Variants in UNC13C observed in about 807,000 individuals in gnomAD.
The protein encoded by UNC13C is unc-13 homolog C.
A neutral mutation model predicts 245.4 loss-of-function variants in UNC13C; 174 were observed. That is an observed-to-expected ratio of 0.71 (90% confidence interval 0.63 to 0.80). The LOEUF (loss-of-function observed/expected upper bound fraction) is 0.80. Among genes scored for constraint, UNC13C ranks in the 30% least tolerant of loss-of-function variants. The probability of loss-of-function intolerance (pLI) is 0.00; values close to 1 mark genes in which losing one functional copy is unlikely to be tolerated. For missense variants in UNC13C, 2,829 were observed against 2,602.9 expected, an observed-to-expected ratio of 1.09 and a Z score of -1.89; for synonymous variants, 992 against 895.1, an observed-to-expected ratio of 1.11 and a Z score of -1.93.
At chr15:53,964,059 T>A in the UNC13C span, among the ~76,000 whole-genome samples, 1 of 152,194 alleles carries the variant, frequency 6.6e-6, no homozygotes, top group Non-Finnish European at 1.5e-5. Flanking sequence ...TTTACCCATT[T>A]TTTTTTTCCA....
chr15:54,010,035 G>T (rs1177622935), intron 1 of UNC13C, among the ~76,000 whole-genome samples: 1 of 152,158 alleles, frequency 6.6e-6, no homozygotes, highest in Non-Finnish European at 1.5e-5. Context: ...CTCCACCTTT[G>T]CACATGACAT....
chr15:54,098,331 C>T (rs1472274586), intron 2 of UNC13C, among the ~76,000 whole-genome samples: 4 of 152,204 alleles, frequency 2.6e-5, no homozygotes, highest in South Asian at 2.1e-4. Context: ...AGTGCCACCA[C>T]GCCTGGCTAA....
chr15:53,983,673 C>T (rs1430813586), intron 1 of UNC13C, among the ~76,000 whole-genome samples: 1 of 151,520 alleles, frequency 6.6e-6, no homozygotes, highest in Admixed American at 6.6e-5. Context: ...CTTTCATTCT[C>T]CATTTGGCCT....
chr15:54,216,449 T>C (rs1237521358), intron 4 of UNC13C, among the ~76,000 whole-genome samples: 13 of 151,934 alleles, frequency 8.6e-5, no homozygotes, highest in Admixed American at 4.6e-4. Flanking sequence ...GGAATGGATA[T>C]ATTGTCTTGA....
the UNC13C span, among the ~76,000 whole-genome samples, chr15:53,933,826 A>G: frequency 1.3e-5 from 2 of 152,068 alleles, no homozygotes; most frequent in African/African-American, 2.4e-5. Context: ...CTACAATTTT[A>G]CTCAATAATG....
chr15:54,349,189 T>C (rs2038925891), intron 17 of UNC13C, among the ~76,000 whole-genome samples: 1 of 150,388 alleles, frequency 6.6e-6, no homozygotes. Context: ...AAAATTTCTT[T>C]TTAAATGCCA....
At chr15:54,528,296 C>A (rs1392203622) in intron 25 of UNC13C, among the ~76,000 whole-genome samples, 3 of 147,636 alleles carry the variant, frequency 2.0e-5, no homozygotes, top group African/African-American at 7.5e-5. Context: ...ACATGTTTTG[C>A]AGTTTGGTTT....
At chr15:54,238,963 G>A (rs1488350168) in intron 7 of UNC13C, among the ~76,000 whole-genome samples, 2 of 152,044 alleles carry the variant, frequency 1.3e-5, no homozygotes, top group African/African-American at 2.4e-5. Context: ...GGGTGAAAGC[G>A]ATTTTTAAAA....
In UNC13C at chr15:54,175,058, G is replaced by A. The variant is rs1162542222; in HGVS notation, c.3071+31374G>A. Reference sequence around the variant, plus strand: ...GGTAGTGAGAAGCAGAATAACCTGCGCCTTTATCTTTCTCAACTCCTTAAT... The same window carrying A: ...GGTAGTGAGAAGCAGAATAACCTGCACCTTTATCTTTCTCAACTCCTTAAT... On this transcript the variant is annotated intron_variant, in intron 4 of 32. Coordinates refer to ENST00000260323, the MANE Select transcript of UNC13C (RefSeq NM_001080534.3). 2.0e-5 allele frequency among the ~76,000 whole-genome samples: 3 copies of A among 151,996 alleles called. No individual in the cohort carries two copies. In the South Asian group the frequency reaches 6.2e-4, roughly 32 times the overall value.
intron 1 of UNC13C, among the ~76,000 whole-genome samples, chr15:53,998,351 A>G (rs1800642051): frequency 6.6e-6 from 1 of 152,086 alleles, no homozygotes; most frequent in Non-Finnish European, 1.5e-5. Flanking sequence ...TCAGGAAAAT[A>G]TGTCAGTAAA....
chr15:53,841,748 G>T, the UNC13C span, among the ~76,000 whole-genome samples: 3 of 152,060 alleles, frequency 2.0e-5, no homozygotes, highest in Non-Finnish European at 1.5e-5. Flanking sequence ...AGATCGTCAG[G>T]GGTCTCATGT....
intron 19 of UNC13C, among the ~76,000 whole-genome samples, chr15:54,425,491 G>C (rs2040741566): frequency 6.6e-6 from 1 of 151,802 alleles, no homozygotes; most frequent in African/African-American, 2.4e-5. Flanking sequence ...CCAGGCATGA[G>C]AGATCTTACT....
chr15:54,138,997 G>A (rs369769453), intron 2 of UNC13C, among the ~76,000 whole-genome samples: 2 of 92,688 alleles, frequency 2.2e-5, no homozygotes, highest in African/African-American at 9.5e-5. Context: ...GTCTCGCTTT[G>A]TCGCCAGGCT....
chr15:54,090,118 A>T (rs1899483348), intron 2 of UNC13C, among the ~76,000 whole-genome samples: 1 of 152,286 alleles, frequency 6.6e-6, no homozygotes, highest in East Asian at 1.9e-4. Context: ...ATGTCAAATG[A>T]TAATTTTGTG....
chr15:54,283,196 C>T (rs1426401123), intron 10 of UNC13C, among the ~76,000 whole-genome samples: 1 of 152,140 alleles, frequency 6.6e-6, no homozygotes, highest in Non-Finnish European at 1.5e-5. Context: ...TCACCTGCTA[C>T]ACAACCCTAT....
intron 30 of UNC13C, among the ~76,000 whole-genome samples, chr15:54,606,902 A>T (rs1485700272): frequency 1.3e-5 from 2 of 152,162 alleles, no homozygotes; most frequent in Admixed American, 1.3e-4. Context: ...AATTTACCGA[A>T]TTGGAAATAT....
chr15:54,188,783 C>A (rs1327214938), intron 4 of UNC13C, among the ~76,000 whole-genome samples: 1 of 152,030 alleles, frequency 6.6e-6, no homozygotes, highest in Non-Finnish European at 1.5e-5. Context: ...TATTAGATAC[C>A]CTATTTGAGG....
chr15:54,381,925 A>C (rs759773845), intron 17 of UNC13C, among the ~76,000 whole-genome samples: 2 of 152,200 alleles, frequency 1.3e-5, no homozygotes, highest in Non-Finnish European at 2.9e-5. Context: ...CTTACAGAGC[A>C]TTTTATCCAA....
At chr15:53,929,031 A>G in the UNC13C span, among the ~76,000 whole-genome samples, 10 of 152,328 alleles carry the variant, frequency 6.6e-5, no homozygotes, top group East Asian at 1.9e-3. Flanking sequence ...CTGGTAATAA[A>G]GACATACCTA....
Sources: allele counts gnomAD v4.1 joint callset (sites outside exome capture counted in the v4.1 genomes callset), GRCh38; gene constraint gnomAD v4.1.1; transcripts MANE v1.5; gene names NCBI Gene and HGNC (gene_info 2026-07-23, HGNC 2026-07-21).